GPM6B: variants seen among roughly 807,000 people sequenced by gnomAD.
The protein encoded by GPM6B is glycoprotein M6B.
A neutral mutation model predicts 27.2 loss-of-function variants in GPM6B; 4 were observed. The observed-to-expected ratio is 0.15, with a 90% CI of 0.07 to 0.34. GPM6B has a LOEUF of 0.34. GPM6B is among the 10% of genes least tolerant of loss of function. The pLI is 1.00. For missense variants in GPM6B, 183 were observed against 261.9 expected (o/e 0.70, Z 2.08); for synonymous variants, 124 against 103.1 (o/e 1.20, Z -1.23).
chrX:13,806,100 A>G (rs145849743), intron 2 of GPM6B, among the ~76,000 whole-genome samples: 2,114 of 111,623 alleles, frequency 0.019, 42 homozygotes, highest in African/African-American at 0.065. Context: ...GCGTTGTGTG[A>G]CCATCGCCAC....
chrX:13,892,457 ACAAT>A (rs2050197287), intron 1 of GPM6B, among the ~76,000 whole-genome samples: 2 of 112,227 alleles, frequency 1.8e-5, no homozygotes, highest in Admixed American at 1.9e-4. Context: ...TACAACACAC[ACAAT>A]CAATTTCTGT....
At chrX:13,833,012 G>C (rs2049455344) in intron 1 of GPM6B, among the ~76,000 whole-genome samples, 1 of 112,010 alleles carries the variant, frequency 8.9e-6, no homozygotes, top group Admixed American at 9.4e-5. Flanking sequence ...CAGGCCTGTA[G>C]TCTTAGCTAC....
intron 1 of GPM6B, among the ~76,000 whole-genome samples, chrX:13,932,875 G>C (rs1450916636): frequency 9.0e-6 from 1 of 110,812 alleles, no homozygotes; most frequent in Non-Finnish European, 1.9e-5. Flanking sequence ...AAAAGCTCAA[G>C]GCAAAAAAAA....
chrX:13,892,098 G>A (rs1161168173), intron 1 of GPM6B, among the ~76,000 whole-genome samples: 1 of 111,773 alleles, frequency 8.9e-6, no homozygotes, highest in Non-Finnish European at 1.9e-5. Context: ...TTCAGGGCCA[G>A]AAAAATGAAC....
intron 1 of GPM6B, among the ~76,000 whole-genome samples, chrX:13,936,101 T>C (rs1197137602): frequency 1.8e-5 from 2 of 111,610 alleles, no homozygotes; most frequent in Non-Finnish European, 3.8e-5. Context: ...ATGACAATGT[T>C]CTAACATTAG....
intron 1 of GPM6B, among the ~76,000 whole-genome samples, chrX:13,839,969 T>C (rs2049552555): frequency 9.0e-6 from 1 of 111,400 alleles, no homozygotes; most frequent in South Asian, 3.8e-4. Flanking sequence ...GTGGTAGTGA[T>C]AAATGGACGT....
chrX:13,804,275 A>G lies in GPM6B; in HGVS notation c.181+3375T>C, dbSNP rs2048975587. On this transcript the variant is annotated intron_variant, in intron 2 of 7. Coordinates refer to ENST00000316715, the MANE Select transcript of GPM6B (RefSeq NM_001001995.3). ...TGGAGCCTGTGTAACACAATCTACA[A>G]CAGTCTGGAAGTGCTCCCTCCAATG... 2.7e-5 allele frequency among the ~76,000 whole-genome samples: 3 copies of G among 111,225 alleles called. No individual in the cohort carries two copies. In the South Asian group the frequency reaches 1.2e-3, roughly 43 times the overall value.
At chrX:13,830,164 T>C (rs909797165) in intron 1 of GPM6B, among the ~76,000 whole-genome samples, 1 of 112,001 alleles carries the variant, frequency 8.9e-6, no homozygotes, top group Non-Finnish European at 1.9e-5. Context: ...CTCAGAATTC[T>C]TGTGAATCCC....
chrX:13,916,311 G>A (rs145469032), intron 1 of GPM6B, among the ~76,000 whole-genome samples: 1,553 of 112,071 alleles, frequency 0.014, 22 homozygotes, highest in African/African-American at 0.048. Flanking sequence ...TTTTGGAATG[G>A]ATATCTAAAC....
At chrX:13,923,518 A>G (rs967998163) in intron 1 of GPM6B, among the ~76,000 whole-genome samples, 3 of 112,665 alleles carry the variant, frequency 2.7e-5, no homozygotes, top group African/African-American at 9.7e-5. Context: ...AGCTCTTGCT[A>G]CAGCCCAAGT....
chrX:13,823,740 A>G (rs1055845623), intron 1 of GPM6B, among the ~76,000 whole-genome samples: 2 of 111,456 alleles, frequency 1.8e-5, no homozygotes, highest in Non-Finnish European at 3.8e-5. Flanking sequence ...GGCTGGTCTC[A>G]AACTCCTGAC....
At chrX:13,902,907 C>G (rs189658957) in intron 1 of GPM6B, among the ~76,000 whole-genome samples, 10 of 111,713 alleles carry the variant, frequency 9.0e-5, no homozygotes, top group African/African-American at 1.3e-4. Context: ...GGAGACTCAA[C>G]GAAAGAGGAC....
At chrX:13,855,185 A>AT (rs1287810660) in intron 1 of GPM6B, among the ~76,000 whole-genome samples, 2 of 111,080 alleles carry the variant, frequency 1.8e-5, no homozygotes, top group Non-Finnish European at 3.8e-5. Flanking sequence ...TACCTGGCTA[A>AT]TTTTTGTATT....
chrX:13,841,413 T>C (rs984400736), intron 1 of GPM6B, among the ~76,000 whole-genome samples: 2 of 111,935 alleles, frequency 1.8e-5, no homozygotes, highest in Admixed American at 9.4e-5. Flanking sequence ...TGTATGATGG[T>C]TGTCATAATA....
At position 13,868,911 on chromosome X, in the gene GPM6B, A is replaced by G. The variant is rs1157685773; in HGVS notation, c.-198+69416T>C. ...GACATTCCAAAGTGGCTAATCATGTATATAAGTACACAATGCTGTTTGGGA... is the reference window on the plus strand; with the variant it reads ...GACATTCCAAAGTGGCTAATCATGTGTATAAGTACACAATGCTGTTTGGGA... On this transcript the variant is annotated intron_variant, in intron 1 of 6. Coordinates refer to the GPM6B transcript ENST00000398361. Among the ~76,000 whole-genome samples the G allele has an allele frequency of 5.4e-5, 6 of 112,021 alleles. No homozygotes were observed. The South Asian group carries it at 1.1e-3, about 21-fold the overall frequency.
intron 1 of GPM6B, among the ~76,000 whole-genome samples, chrX:13,865,580 G>GA (rs2049905735): frequency 2.2e-5 from 1 of 46,423 alleles, no homozygotes; most frequent in African/African-American, 7.0e-5. Context: ...AGAAAGAAAA[G>GA]AAAAGAAAAA....
At position 13,812,211 on chromosome X, in the gene GPM6B, G is replaced by A. The variant is rs1014275711; in HGVS notation, c.62-4442C>T. ...ATTACAGGCACACACCACCACGCCC[G>A]GCTAATTTTGTTTTTGTATTTTTAG... is the stretch of plus-strand genomic sequence containing the variant. On this transcript the variant is annotated intron_variant, in intron 1 of 7. Transcript: ENST00000316715. 7.4e-5 allele frequency among the ~76,000 whole-genome samples: 8 copies of A among 108,691 alleles called. No homozygotes were observed. The East Asian group carries it at 8.6e-4, about 12-fold the overall frequency. The allele number at this position is 108,691 out of a possible 115,157, so 94.4% of individuals were successfully genotyped here.
At chrX:13,871,119 A>AAAAC (rs1569275732) in intron 1 of GPM6B, among the ~76,000 whole-genome samples, 1,628 of 77,226 alleles carry the variant, frequency 0.021, 36 homozygotes, top group African/African-American at 0.067. Flanking sequence ...CAAAACAAAA[A>AAAAC]AAAAAGAAGT....
intron 2 of GPM6B, among the ~76,000 whole-genome samples, chrX:13,793,167 C>T (rs771220425): frequency 9.0e-6 from 1 of 111,233 alleles, no homozygotes; most frequent in South Asian, 3.8e-4. Flanking sequence ...CTGGAGGCTT[C>T]ACCTACAGGA....
Sources: gnomAD v4.1 joint callset for allele counts (sites outside exome capture counted in the v4.1 genomes callset) on GRCh38, gnomAD v4.1.1 for gene constraint, MANE v1.5 for transcripts, NCBI Gene and HGNC (gene_info 2026-07-23, HGNC 2026-07-21) for gene names.